Variants in SOX6 observed in about 807,000 individuals in gnomAD.
The protein encoded by SOX6 is SRY-box transcription factor 6, also known as transcription factor SOX-6.
In SOX6, 11 loss-of-function variants were observed where a neutral mutation model predicts 97.8. That is an observed-to-expected ratio of 0.11 (90% CI 0.07 to 0.19). The LOEUF (loss-of-function observed/expected upper bound fraction) is 0.19, where lower values mean the gene tolerates loss of function less well. Among genes scored for constraint, SOX6 ranks in the 10% least tolerant of loss-of-function variants. The pLI is 1.00. For synonymous variants in SOX6, 360 were observed against 371.4 expected (o/e 0.97, Z 0.35); for missense variants, 810 against 1,039.5 (o/e 0.78, Z 3.04).
At chr11:16,319,016 C>T (rs966747071) in intron 2 of SOX6, among the ~76,000 whole-genome samples, 1 of 152,232 alleles carries the variant, frequency 6.6e-6, no homozygotes, top group East Asian at 1.9e-4. Context: ...AATTATTAGG[C>T]TTGGTAAAGT....
chr11:16,167,087 C>T (rs1036311681), intron 6 of SOX6, among the ~76,000 whole-genome samples: 7 of 152,106 alleles, frequency 4.6e-5, no homozygotes, highest in South Asian at 2.1e-4. Context: ...TATCTCCAAA[C>T]GGATCTCTAA....
At chr11:16,518,920 A>T (rs540751606) in intron 4 of SOX6, among the ~76,000 whole-genome samples, 11 of 152,340 alleles carry the variant, frequency 7.2e-5, no homozygotes, top group African/African-American at 2.6e-4. Flanking sequence ...ATTCATGAAC[A>T]TAAGTCATTA....
At chr11:15,985,726 T>C (rs1362028629) in intron 15 of SOX6, among the ~76,000 whole-genome samples, 1 of 152,038 alleles carries the variant, frequency 6.6e-6, no homozygotes, top group African/African-American at 2.4e-5. Flanking sequence ...GCAACAGGAG[T>C]TCTGGATCTT....
intron 4 of SOX6, among the ~76,000 whole-genome samples, chr11:16,591,805 T>A (rs1848157022): frequency 1.3e-5 from 2 of 152,184 alleles, no homozygotes; most frequent in South Asian, 2.1e-4. Flanking sequence ...TACATTTGTA[T>A]GTAATCAATT....
chr11:16,306,928 T>A (rs1855459843), intron 3 of SOX6, among the ~76,000 whole-genome samples: 1 of 152,136 alleles, frequency 6.6e-6, no homozygotes, highest in Admixed American at 6.6e-5. Flanking sequence ...TCAGCCTACA[T>A]CCTCGAATTT....
intron 3 of SOX6, chr11:16,315,872 C>A (rs1240134001): frequency 1.3e-5 from 2 of 152,108 alleles, no homozygotes; most frequent in East Asian, 3.9e-4. Context: ...GCGATTATAC[C>A]AATTGTTCTC....
At chr11:16,636,661 T>C (rs950348991) in intron 3 of SOX6, among the ~76,000 whole-genome samples, 1 of 152,112 alleles carries the variant, frequency 6.6e-6, no homozygotes, top group East Asian at 1.9e-4. Flanking sequence ...CCAAATTTCA[T>C]CTTAAACTGT....
At position 15,970,078 on chromosome 11, in the gene SOX6, C is replaced by T. The variant is rs750688643; in HGVS notation, c.*2731G>A. The T allele has an allele frequency of 5.3e-5, 8 of 152,184 alleles. No homozygotes were observed. Among genetic ancestry groups the T allele is most frequent in the Non-Finnish European group, 1.0e-4 (7 of 68,038 alleles). 9.4% of individuals were successfully genotyped at this position (152,184 alleles called of 1,614,324 possible). On this transcript the variant is annotated 3_prime_UTR_variant, in exon 16 of 16. Coordinates refer to ENST00000683767, the MANE Select transcript of SOX6 (RefSeq NM_001367873.1). ...ACAAGACATAAAAATGACTCAAATC[C>T]GGCAACTGTGAGGCAAGCCCACACG...
chr11:16,218,134 T>C (rs1852425856), intron 4 of SOX6, among the ~76,000 whole-genome samples: 1 of 152,148 alleles, frequency 6.6e-6, no homozygotes, highest in South Asian at 2.1e-4. Context: ...TAAATTTAAA[T>C]AAGCACAGAC....
At chr11:16,616,437 T>C (rs1848472364) in intron 3 of SOX6, among the ~76,000 whole-genome samples, 1 of 152,094 alleles carries the variant, frequency 6.6e-6, no homozygotes, top group Non-Finnish European at 1.5e-5. Flanking sequence ...TTCTTTGGAA[T>C]CCCATACTAT....
intron 7 of SOX6, 48 bp downstream of exon 7, chr11:16,111,755 T>C: frequency 5.6e-6 from 9 of 1,609,686 alleles, no homozygotes; most frequent in Non-Finnish European, 7.6e-6. Context: ...AGCATAAACA[T>C]GCAGATCTGA....
chr11:16,149,042 T>C (rs1311467608), intron 6 of SOX6, among the ~76,000 whole-genome samples: 1 of 152,088 alleles, frequency 6.6e-6, no homozygotes, highest in East Asian at 1.9e-4. Context: ...TTAAAGTTTG[T>C]CAGCTCCCTC....
intron 9 of SOX6, among the ~76,000 whole-genome samples, chr11:16,077,505 C>T (rs1848384046): frequency 1.3e-5 from 2 of 152,076 alleles, no homozygotes; most frequent in East Asian, 1.9e-4. Flanking sequence ...AAGACACACA[C>T]GTGTATGTTC....
At chr11:16,602,350 G>A (rs1045044119) in intron 4 of SOX6, among the ~76,000 whole-genome samples, 5 of 152,046 alleles carry the variant, frequency 3.3e-5, no homozygotes, top group African/African-American at 7.2e-5. Flanking sequence ...ACTTGATATC[G>A]GGATCCTGCT....
chr11:16,057,327 T>C (rs967344932), intron 9 of SOX6, among the ~76,000 whole-genome samples: 5 of 152,208 alleles, frequency 3.3e-5, no homozygotes, highest in African/African-American at 7.2e-5. Context: ...TGTAGTAAAC[T>C]ATACTTAATT....
intron 3 of SOX6, among the ~76,000 whole-genome samples, chr11:16,706,969 A>G (rs1243851489): frequency 6.6e-6 from 1 of 152,086 alleles, no homozygotes; most frequent in African/African-American, 2.4e-5. Flanking sequence ...TAGAATGAAA[A>G]AATGCACACT....
intron 15 of SOX6, among the ~76,000 whole-genome samples, chr11:15,984,113 T>G (rs10832541): frequency 0.32 from 49,404 of 152,052 alleles, 9,489 homozygotes; most frequent in Non-Finnish European, 0.43. Context: ...TTATCTTATT[T>G]AGAGAATTAT....
At chr11:16,163,223 CAT>C (rs773404750) in intron 6 of SOX6, among the ~76,000 whole-genome samples, 5 of 152,242 alleles carry the variant, frequency 3.3e-5, no homozygotes, top group East Asian at 1.9e-4. Context: ...GTTATACACA[CAT>C]GTGTATGTAT....
Position 15,973,077 on chromosome 11 carries a change from C to T in SOX6, c.2219G>A (p.Gly740Asp). ...AGTGATAGCACCAGGATACACAACA[C>T]CTGTTCCTGTGGTGATTGGAATCTG... The part of the protein sequence containing the change: ...QPQIPITTGT[G>D]VVYPGAITMA... Residue 740 changes from glycine (G) to aspartate (D), a missense_variant, in exon 16 of 16, where the codon GGT (glycine) becomes GAT (aspartate). Physicochemically the swap from Gly to Asp is moderately conservative, Grantham distance 94. Coordinates refer to ENST00000683767, the MANE Select transcript of SOX6 (RefSeq NM_001367873.1). 1 of 1,614,144 alleles carries T rather than the reference C, an allele frequency of 6.2e-7. No individual in the cohort carries two copies. The highest frequency in any genetic ancestry group is 1.1e-5 in the South Asian group (1 of 91,088).
Sources: gnomAD v4.1 joint callset for allele counts (sites outside exome capture counted in the v4.1 genomes callset) on GRCh38, gnomAD v4.1.1 for gene constraint, MANE v1.5 for transcripts, NCBI Gene and HGNC (gene_info 2026-07-23, HGNC 2026-07-21) for gene names.